The following WWP2 variants were observed in gnomAD, a reference collection of about 807,000 sequenced individuals.
WWP2 encodes WW domain containing E3 ubiquitin protein ligase 2.
WWP2 carries 57 observed loss-of-function variants against 121.0 expected under a neutral mutation model. The observed-to-expected ratio is 0.47, with a 90% CI of 0.38 to 0.59. The LOEUF (loss-of-function observed/expected upper bound fraction) is 0.59, where lower values mean the gene tolerates loss of function less well. Among genes scored for constraint, WWP2 ranks in the 20% least tolerant of loss-of-function variants. WWP2 has a pLI of 0.00. For missense variants in WWP2, 962 were observed against 1,158.9 expected, an observed-to-expected ratio of 0.83 and a Z score of 2.47; for synonymous variants, 449 against 441.3, an observed-to-expected ratio of 1.02 and a Z score of -0.22.
chr16:69,913,037 T>C (rs2058423986), intron 9 of WWP2, among the ~76,000 whole-genome samples: 1 of 85,938 alleles, frequency 1.2e-5, no homozygotes, highest in Non-Finnish European at 2.2e-5. Flanking sequence ...TTTTTTTTTT[T>C]TTTGAGACAG....
At chr16:69,798,529 C>A (rs147990108) in intron 2 of WWP2, among the ~76,000 whole-genome samples, 153 bp from the exon 3 acceptor site, 1,858 of 150,414 alleles carry the variant, frequency 0.012, 13 homozygotes, top group Non-Finnish European at 0.017. Flanking sequence ...TGTGTACTCA[C>A]ATTTCTTTAA....
chr16:69,792,146 C>T, intron 2 of WWP2, among the ~76,000 whole-genome samples: 1 of 152,140 alleles, frequency 6.6e-6, no homozygotes, highest in East Asian at 1.9e-4. Context: ...TTTCCAGTTC[C>T]CTTGTGCCTG....
chr16:69,851,577 A>C (rs1253442177), intron 6 of WWP2, among the ~76,000 whole-genome samples: 1 of 152,078 alleles, frequency 6.6e-6, no homozygotes, highest in Non-Finnish European at 1.5e-5. Context: ...TCACTTTTAC[A>C]TTCCTCCTCC....
chr16:69,897,611 A>G (rs1238629050), intron 8 of WWP2, among the ~76,000 whole-genome samples: 1 of 152,174 alleles, frequency 6.6e-6, no homozygotes, highest in Non-Finnish European at 1.5e-5. Flanking sequence ...TGACAGCTAG[A>G]AAGAATGGCT....
chr16:69,792,103 T>C (rs2055925527), intron 2 of WWP2, among the ~76,000 whole-genome samples: 1 of 152,200 alleles, frequency 6.6e-6, no homozygotes, highest in African/African-American at 2.4e-5. Flanking sequence ...TGAAGAAAGC[T>C]GATAGTGTAA....
intron 6 of WWP2, among the ~76,000 whole-genome samples, chr16:69,857,057 TTCTG>T (rs997444366): frequency 6.6e-6 from 1 of 152,174 alleles, no homozygotes; most frequent in Non-Finnish European, 1.5e-5. Flanking sequence ...TCTTGTTAAT[TTCTG>T]TCTGTCCTAC....
chr16:69,765,151 C>T (rs570668085), intron 1 of WWP2, among the ~76,000 whole-genome samples: 4 of 151,966 alleles, frequency 2.6e-5, no homozygotes, highest in African/African-American at 7.2e-5. Flanking sequence ...GAGTTGTGAT[C>T]GTGCCACTCA....
At chr16:69,924,677 GCCCCAC>G (rs1241916362) in intron 10 of WWP2, among the ~76,000 whole-genome samples, 2 of 150,022 alleles carry the variant, frequency 1.3e-5, no homozygotes, top group African/African-American at 4.9e-5. Flanking sequence ...CTGTCTTGCT[GCCCCAC>G]CCCCAGCCCC....
intron 4 of WWP2, among the ~76,000 whole-genome samples, chr16:69,822,409 C>T (rs1419698585): frequency 6.6e-6 from 1 of 152,142 alleles, no homozygotes; most frequent in South Asian, 2.1e-4. Context: ...AATTTAGACT[C>T]TAGAGAGGAA....
chr16:69,832,411 C>T (rs1433852525), intron 4 of WWP2, among the ~76,000 whole-genome samples: 1 of 152,162 alleles, frequency 6.6e-6, no homozygotes, highest in Non-Finnish European at 1.5e-5. Context: ...GATAAGAACT[C>T]TTAAAAACCC....
In WWP2 at chr16:69,768,674, G is replaced by A. The variant is rs186894938; in HGVS notation, c.-16+6283G>A. 5.9e-5 allele frequency among the ~76,000 whole-genome samples: 9 copies of A among 152,200 alleles called. No homozygotes were observed. In the East Asian group the frequency reaches 1.4e-3, roughly 23 times the overall value. Reference sequence around the variant, plus strand: ...ACATGGCAGTCCTGACCTAGGGCCCGTCCTCTTCCTCAAGTCACCCATGCC... The same window carrying A: ...ACATGGCAGTCCTGACCTAGGGCCCATCCTCTTCCTCAAGTCACCCATGCC... On this transcript the variant is annotated intron_variant, in intron 1 of 23. Transcript: ENST00000359154.
chr16:69,788,407 T>G (rs527474504), intron 2 of WWP2, among the ~76,000 whole-genome samples: 1 of 152,192 alleles, frequency 6.6e-6, no homozygotes, highest in Admixed American at 6.5e-5. Flanking sequence ...AAGCCGAAGC[T>G]CCCATGTGAT....
intron 6 of WWP2, among the ~76,000 whole-genome samples, chr16:69,864,693 G>A (rs2057486960): frequency 6.7e-6 from 1 of 150,176 alleles, no homozygotes; most frequent in Admixed American, 6.6e-5. Flanking sequence ...GAGATTACAG[G>A]CGCCAGCCAC....
At chr16:69,801,040 T>A (rs1388636864) in intron 4 of WWP2, among the ~76,000 whole-genome samples, 3 of 148,014 alleles carry the variant, frequency 2.0e-5, no homozygotes, top group Non-Finnish European at 4.5e-5. Context: ...AATACAACAA[T>A]TACCCAGGGA....
At chr16:69,849,172 C>T (rs566618812) in intron 6 of WWP2, among the ~76,000 whole-genome samples, 1 of 152,296 alleles carries the variant, frequency 6.6e-6, no homozygotes, top group Non-Finnish European at 1.5e-5. Flanking sequence ...ACTGTGAACA[C>T]TTCAGGAAGT....
chr16:69,939,205 A>C, intron 22 of WWP2, 82 bp downstream of exon 22: 1 of 1,559,158 alleles, frequency 6.4e-7, no homozygotes, highest in African/African-American at 1.4e-5. Context: ...CTCTTCCTGG[A>C]AGCACGTCAG....
At chr16:69,926,910 A>C (rs2151984466) in intron 11 of WWP2, among the ~76,000 whole-genome samples, 1 of 152,290 alleles carries the variant, frequency 6.6e-6, no homozygotes, top group East Asian at 1.9e-4. Context: ...GGGGACTTCT[A>C]GTGTATTTCA....
Position 69,930,148 on chromosome 16 carries a change from T to C in WWP2, c.1335T>C (p.Ala445=). ...PRTQGMIQEP[A]LPPGWEMKYT... is the part of the protein sequence containing the mutation. ...TTTCCAGGATGATCCAGGAACCAGC[T>C]CTGCCCCCAGGATGGGAGATGAAAT... is the stretch of plus-strand genomic sequence containing the variant. The change falls in exon 13 of 24, where the codon GCT becomes GCC. Residue 445 remains alanine (A), a synonymous_variant. Transcript: ENST00000359154. 1 of 1,614,084 alleles carries C rather than the reference T, an allele frequency of 6.2e-7. No individual in the cohort carries two copies. Among genetic ancestry groups the C allele is most frequent in the Non-Finnish European group, 8.5e-7 (1 of 1,179,992 alleles).
At position 69,925,103 on chromosome 16, in the gene WWP2, C is replaced by T. The variant is rs571448619; in HGVS notation, c.1180-327C>T. 43 of 1,081,620 alleles carry T rather than the reference C, an allele frequency of 4.0e-5. No homozygotes were observed. In the East Asian group the frequency reaches 2.5e-3, roughly 64 times the overall value. The allele number at this position is 1,081,620 out of a possible 1,614,324, so 67.0% of individuals were successfully genotyped here. ...ACTGGGCCGAGCCTGCTTCCCGGGC[C>T]TTCCTACCATGCCAGGGCTGCTCCC... is the stretch of plus-strand genomic sequence containing the variant. On this transcript the variant is annotated intron_variant, in intron 10 of 23. Transcript: ENST00000359154. This position sits in a 1 kb window ranked among gnomAD's most constrained non-coding sequence, Gnocchi z 4.0.
Sources: allele counts gnomAD v4.1 joint callset (sites outside exome capture counted in the v4.1 genomes callset), GRCh38; gene constraint gnomAD v4.1.1; non-coding constraint Gnocchi (gnomAD v3.1); transcripts MANE v1.5; gene names NCBI Gene and HGNC (gene_info 2026-07-23, HGNC 2026-07-21).